STPG2: variants seen among roughly 807,000 people sequenced by gnomAD.
STPG2 encodes sperm tail PG-rich repeat containing 2, also known as sperm-tail PG-rich repeat-containing protein 2.
A neutral mutation model predicts 54.2 loss-of-function variants in STPG2; 56 were observed. The observed-to-expected ratio is 1.03, with a 90% CI of 0.83 to 1.29. STPG2 has a LOEUF of 1.29. Among genes scored for constraint, STPG2 ranks in the 50% most tolerant of loss-of-function variants. The pLI, the probability that STPG2 is intolerant of heterozygous loss-of-function variation, is 0.00. For synonymous variants in STPG2, 200 were observed against 181.8 expected, an observed-to-expected ratio of 1.10 and a Z score of -0.81; for missense variants, 596 against 544.9, an observed-to-expected ratio of 1.09 and a Z score of -0.93.
At chr4:97,931,941 G>A (rs1020628130) in intron 8 of STPG2, among the ~76,000 whole-genome samples, 1 of 152,014 alleles carries the variant, frequency 6.6e-6, no homozygotes, top group East Asian at 1.9e-4. Context: ...GGTCTGTGCA[G>A]GGAATCAATT....
chr4:98,117,017 T>C (rs1446920588), intron 3 of STPG2, among the ~76,000 whole-genome samples: 3 of 152,054 alleles, frequency 2.0e-5, no homozygotes, highest in African/African-American at 7.2e-5. Flanking sequence ...CTGGCTTATA[T>C]ATTTACCTTT....
chr4:97,747,004 T>C (rs1278948984), intron 9 of STPG2, among the ~76,000 whole-genome samples: 4 of 136,414 alleles, frequency 2.9e-5, no homozygotes, highest in Non-Finnish European at 6.8e-5. Context: ...GTGCAATCTG[T>C]TTTTATACAA....
At chr4:97,829,903 G>A (rs1728395605) in intron 9 of STPG2, among the ~76,000 whole-genome samples, 1 of 152,148 alleles carries the variant, frequency 6.6e-6, no homozygotes, top group Non-Finnish European at 1.5e-5. Flanking sequence ...TTTGTTAGGT[G>A]TACCTGAAAG....
At chr4:97,645,467 T>C (rs978419118) in intron 10 of STPG2, among the ~76,000 whole-genome samples, 2 of 152,196 alleles carry the variant, frequency 1.3e-5, no homozygotes, top group African/African-American at 4.8e-5. Flanking sequence ...AGACTGCGGC[T>C]ATCAGAGTTG....
chr4:97,507,986 G>A (rs570858409), intron 4 of STPG2, among the ~76,000 whole-genome samples: 1 of 152,096 alleles, frequency 6.6e-6, no homozygotes, highest in East Asian at 1.9e-4. Flanking sequence ...CCCAGCCCCA[G>A]AGGTCCTGTG....
At chr4:97,788,047 C>T (rs1171926717) in intron 9 of STPG2, among the ~76,000 whole-genome samples, 1 of 151,922 alleles carries the variant, frequency 6.6e-6, no homozygotes, top group African/African-American at 2.4e-5. Context: ...GTATCCATCA[C>T]CTCAAGCATT....
chr4:97,958,235 G>A (rs1024320889), intron 7 of STPG2, among the ~76,000 whole-genome samples: 1 of 151,988 alleles, frequency 6.6e-6, no homozygotes, highest in African/African-American at 2.4e-5. Context: ...GCTTGAACCT[G>A]GGAGGTGGAC....
Position 97,944,075 on chromosome 4 carries a change from A to G in STPG2, c.934-68T>C. On this transcript the variant is annotated intron_variant, in intron 7 of 10. Coordinates refer to ENST00000295268, the MANE Select transcript of STPG2 (RefSeq NM_174952.3). Reference sequence around the variant, plus strand: ...ATCAATACAAGAGGCACTATAAATAATAAGTTTGCAATGAAGTTCATCAGT... The same window carrying G: ...ATCAATACAAGAGGCACTATAAATAGTAAGTTTGCAATGAAGTTCATCAGT... The G allele has an allele frequency of 4.0e-6, 4 of 1,003,340 alleles. No homozygotes were observed. The South Asian group carries it at 5.6e-5, about 14-fold the overall frequency. 62.2% of individuals were successfully genotyped at this position (1,003,340 alleles called of 1,614,324 possible).
chr4:98,068,922 C>T (rs1737917687), intron 5 of STPG2, among the ~76,000 whole-genome samples: 1 of 151,928 alleles, frequency 6.6e-6, no homozygotes, highest in Non-Finnish European at 1.5e-5. Flanking sequence ...AGAAAAAGTA[C>T]AGTAAAAATA....
chr4:97,630,491 T>C (rs548820674), intron 10 of STPG2, among the ~76,000 whole-genome samples: 14 of 152,046 alleles, frequency 9.2e-5, no homozygotes, highest in African/African-American at 3.4e-4. Flanking sequence ...TAATGTTATA[T>C]TCTTCTGATA....
intron 5 of STPG2, among the ~76,000 whole-genome samples, chr4:98,042,612 T>C (rs1593571): frequency 0.39 from 59,814 of 151,726 alleles, 12,022 homozygotes; most frequent in Middle Eastern, 0.46. Flanking sequence ...ATTTGTAAAG[T>C]TTCAAGAGCA....
intron 10 of STPG2, among the ~76,000 whole-genome samples, chr4:97,637,435 G>A (rs1721595112): frequency 6.6e-6 from 1 of 152,134 alleles, no homozygotes; most frequent in South Asian, 2.1e-4. Flanking sequence ...ACTGGCACAA[G>A]ACAGGGATGC....
intron 5 of STPG2, among the ~76,000 whole-genome samples, chr4:98,038,369 C>CTGATTT (rs1305457305): frequency 1.3e-5 from 2 of 152,062 alleles, no homozygotes; most frequent in Non-Finnish European, 2.9e-5. Context: ...AGATTAGAAA[C>CTGATTT]AGATCAGTAG....
At chr4:97,924,833 A>G (rs1339137657) in intron 8 of STPG2, among the ~76,000 whole-genome samples, 1 of 152,166 alleles carries the variant, frequency 6.6e-6, no homozygotes, top group Non-Finnish European at 1.5e-5. Flanking sequence ...CTGGCTAATC[A>G]TCTCTGTATC....
chr4:98,006,351 C>A (rs1735574387), intron 5 of STPG2, among the ~76,000 whole-genome samples: 1 of 152,138 alleles, frequency 6.6e-6, no homozygotes. Flanking sequence ...TTGTCTCTCC[C>A]AATACCTAAA....
chr4:97,965,561 G>A lies in STPG2; in HGVS notation c.933+6719C>T, dbSNP rs538253084. ...CCACAAATGGGGCCCTGACCCCCAC[G>A]TAGACGAACTAGGAGACACTTCCCA... is the stretch of plus-strand genomic sequence containing the variant. On this transcript the variant is annotated intron_variant, in intron 7 of 10. Transcript: ENST00000295268. Among the ~76,000 whole-genome samples the A allele has an allele frequency of 7.9e-5, 12 of 152,276 alleles. No homozygotes were observed. The South Asian group carries it at 1.0e-3, about 13-fold the overall frequency.
chr4:97,520,280 A>T (rs932692244), intron 4 of STPG2, among the ~76,000 whole-genome samples: 10 of 152,084 alleles, frequency 6.6e-5, no homozygotes, highest in Non-Finnish European at 1.3e-4. Context: ...TTACATCCTC[A>T]GTAGTCTACA....
At chr4:97,779,387 AG>A (rs759463512) in intron 9 of STPG2, among the ~76,000 whole-genome samples, 7 of 152,146 alleles carry the variant, frequency 4.6e-5, no homozygotes, top group Non-Finnish European at 1.0e-4. Context: ...AGAGAAAAAA[AG>A]GGTAAAAAGA....
intron 9 of STPG2, among the ~76,000 whole-genome samples, chr4:97,735,252 G>T (rs1436054227): frequency 1.3e-5 from 2 of 151,416 alleles, no homozygotes; most frequent in Non-Finnish European, 2.9e-5. Flanking sequence ...AGATATAATA[G>T]GTGTGTATCT....
Sources: allele counts gnomAD v4.1 joint callset (sites outside exome capture counted in the v4.1 genomes callset), GRCh38; gene constraint gnomAD v4.1.1; transcripts MANE v1.5; gene names NCBI Gene and HGNC (gene_info 2026-07-23, HGNC 2026-07-21).